The following GDPD4 variants were observed in gnomAD, a reference collection of about 807,000 sequenced individuals.
The protein encoded by GDPD4 is glycerophosphodiester phosphodiesterase 6.
Under a neutral mutation model 67.8 loss-of-function variants are expected in GDPD4, and 60 were observed. The ratio of observed to expected loss-of-function variants is 0.88; its 90% CI spans 0.72 to 1.10. GDPD4 has a LOEUF of 1.10. Ranked by LOEUF, GDPD4 falls within the 50% of genes least tolerant of loss-of-function variation. The pLI is 0.00. For synonymous variants in GDPD4, 212 were observed against 210.9 expected, an observed-to-expected ratio of 1.00 and a Z score of -0.04; for missense variants, 623 against 613.9, an observed-to-expected ratio of 1.01 and a Z score of -0.16.
At chr11:77,264,882 A>T (rs148452827) in intron 10 of GDPD4, among the ~76,000 whole-genome samples, 7 of 152,262 alleles carry the variant, frequency 4.6e-5, no homozygotes, top group Admixed American at 6.5e-5. Context: ...CAGACACAGG[A>T]GAAGCTCTGA....
chr11:77,243,971 G>C (rs1958728722), intron 12 of GDPD4, 123 bp from the exon 13 acceptor site: 1 of 658,814 alleles, frequency 1.5e-6, no homozygotes, highest in Non-Finnish European at 2.6e-6. Flanking sequence ...TAGAGAGAGA[G>C]AGTCTAGTCC....
intron 16 of GDPD4, among the ~76,000 whole-genome samples, chr11:77,225,667 G>A (rs528395816): frequency 1.3e-4 from 20 of 152,236 alleles, no homozygotes; most frequent in East Asian, 1.9e-4. Flanking sequence ...AACTACATAC[G>A]ACAGAAGACA....
At chr11:77,237,421 T>G (rs7104166) in intron 13 of GDPD4, among the ~76,000 whole-genome samples, 41,375 of 152,082 alleles carry the variant, frequency 0.27, 6,683 homozygotes, top group South Asian at 0.45. Context: ...AATATAAAAT[T>G]TTCAAAAAGC....
chr11:77,252,434 G>A (rs1958924745), intron 11 of GDPD4, among the ~76,000 whole-genome samples: 1 of 152,018 alleles, frequency 6.6e-6, no homozygotes, highest in Non-Finnish European at 1.5e-5. Flanking sequence ...TCCTAATTTT[G>A]TTGAATTGTC....
rs1484640177 is a variant in GDPD4 at position 77,216,650 on chromosome 11, C to A, written c.*627G>T. 20 of 457,956 alleles carry A rather than the reference C, an allele frequency of 4.4e-5. No individual in the cohort carries two copies. Among genetic ancestry groups the A allele is most frequent in the Non-Finnish European group, 3.1e-5 (8 of 255,046 alleles). The allele number at this position is 457,956 out of a possible 1,614,324, so 28.4% of individuals were successfully genotyped here. A position where few individuals can be genotyped will look rare whatever the true frequency, so the allele number is the denominator to read the frequency against. ...AGGATGAGATAAACCTGACAGCAAC[C>A]AGTTCCAAGACCACACACAGCAGTT... is the stretch of plus-strand genomic sequence containing the variant. On this transcript the variant is annotated 3_prime_UTR_variant, in exon 17 of 17. Coordinates refer to ENST00000315938, the MANE Select transcript of GDPD4 (RefSeq NM_182833.3).
Position 77,301,334 on chromosome 11 carries a change from T to C in GDPD4, c.-254+271A>G, listed in dbSNP as rs547853181. ...AGCTCATGAGATCAAAACCCAAGGG[T>C]TGCCGCCCAGGATTGGCATAGTCGA... On this transcript the variant is annotated intron_variant, in intron 1 of 16. Transcript: ENST00000315938. Among the ~76,000 whole-genome samples, 4 of 152,150 alleles carry C rather than the reference T, an allele frequency of 2.6e-5. No homozygotes were observed. In the East Asian group the frequency reaches 7.7e-4, roughly 29 times the overall value.
intron 4 of GDPD4, 62 bp downstream of exon 4, chr11:77,279,244 G>A (rs900944835): frequency 1.9e-6 from 2 of 1,037,010 alleles, no homozygotes; most frequent in South Asian, 2.6e-5. Flanking sequence ...CTATACCACA[G>A]GCAGGAACAC....
intron 1 of GDPD4, among the ~76,000 whole-genome samples, chr11:77,292,121 C>CCA (rs1937797794): frequency 6.7e-6 from 1 of 149,184 alleles, no homozygotes; most frequent in African/African-American, 2.5e-5. Flanking sequence ...TGCAAAATGA[C>CCA]AAAAAAAAAC....
chr11:77,266,746 A>G lies in GDPD4; in HGVS notation c.707+1711T>C, dbSNP rs543609332. On this transcript the variant is annotated intron_variant, in intron 10 of 16. Coordinates refer to ENST00000315938, the MANE Select transcript of GDPD4 (RefSeq NM_182833.3). ...CTTGTTTCTTAGTTTCTAACAAAAAAGTTAAAAAAAAATTAAAATAGAAAA... is the reference window on the plus strand; with the variant it reads ...CTTGTTTCTTAGTTTCTAACAAAAAGGTTAAAAAAAAATTAAAATAGAAAA... Among the ~76,000 whole-genome samples, 24 of 152,322 alleles carry G rather than the reference A, an allele frequency of 1.6e-4. No individual in the cohort carries two copies. The South Asian group carries it at 4.8e-3, about 30-fold the overall frequency.
At chr11:77,226,417 G>A (rs1444283195) in intron 16 of GDPD4, among the ~76,000 whole-genome samples, 3 of 152,110 alleles carry the variant, frequency 2.0e-5, no homozygotes, top group African/African-American at 4.8e-5. Flanking sequence ...AGAAGAGGAA[G>A]AGAGACCCGA....
At chr11:77,289,081 G>A (rs1012137670) in intron 1 of GDPD4, among the ~76,000 whole-genome samples, 1 of 150,876 alleles carries the variant, frequency 6.6e-6, no homozygotes, top group Non-Finnish European at 1.5e-5. Context: ...TGGAAGGAAG[G>A]AAGCCTGGCT....
intron 1 of GDPD4, among the ~76,000 whole-genome samples, chr11:77,291,163 TATGCA>T (rs1467160031): frequency 1.3e-5 from 2 of 152,194 alleles, no homozygotes; most frequent in Non-Finnish European, 2.9e-5. Flanking sequence ...TGAGCTTATA[TATGCA>T]ATGCAATACT....
chr11:77,221,571 A>G (rs893344179), intron 16 of GDPD4, among the ~76,000 whole-genome samples: 11 of 152,134 alleles, frequency 7.2e-5, no homozygotes, highest in East Asian at 3.8e-4. Flanking sequence ...CTGAGATCTA[A>G]TTTGATTGCA....
At chr11:77,262,148 T>C (rs1959131766) in intron 10 of GDPD4, among the ~76,000 whole-genome samples, 1 of 152,192 alleles carries the variant, frequency 6.6e-6, no homozygotes, top group Non-Finnish European at 1.5e-5. Context: ...CTTCTTTCTA[T>C]TCACAACAGA....
At chr11:77,290,659 T>C (rs995874708) in intron 1 of GDPD4, among the ~76,000 whole-genome samples, 3 of 152,054 alleles carry the variant, frequency 2.0e-5, no homozygotes, top group African/African-American at 7.2e-5. Flanking sequence ...ACATCAAAAG[T>C]AGAAAGATTT....
intron 11 of GDPD4, among the ~76,000 whole-genome samples, chr11:77,252,065 G>GTTTTTTTTTTT (rs71043561): frequency 2.4e-5 from 3 of 127,430 alleles, no homozygotes; most frequent in Non-Finnish European, 3.3e-5. Flanking sequence ...TTTTTTTTTT[G>GTTTTTTTTTTT]TTTTTTTTTT....
At chr11:77,268,898 C>G in intron 9 of GDPD4, 26 bp downstream of exon 9, 1 of 1,609,678 alleles carries the variant, frequency 6.2e-7, no homozygotes, top group South Asian at 1.1e-5. Flanking sequence ...CTTATTTTCA[C>G]CCATGTTCAT....
intron 13 of GDPD4, among the ~76,000 whole-genome samples, chr11:77,242,740 TGAGTA>T (rs935801305): frequency 1.3e-5 from 2 of 151,760 alleles, no homozygotes; most frequent in African/African-American, 2.4e-5. Context: ...GAAGAGTAGT[TGAGTA>T]AAGAAAAATC....
intron 16 of GDPD4, among the ~76,000 whole-genome samples, chr11:77,225,300 C>CAAA (rs34996619): frequency 8.3e-6 from 1 of 120,608 alleles, no homozygotes; most frequent in Non-Finnish European, 1.7e-5. Context: ...GACTCTGTCT[C>CAAA]AAAAAAAAAA....
Sources: allele counts gnomAD v4.1 joint callset (sites outside exome capture counted in the v4.1 genomes callset), GRCh38; gene constraint gnomAD v4.1.1; transcripts MANE v1.5; gene names NCBI Gene and HGNC (gene_info 2026-07-23, HGNC 2026-07-21).